Variants in RBFOX1 observed in about 807,000 individuals in gnomAD.
RBFOX1 encodes the protein RNA binding fox-1 homolog 1.
RBFOX1 carries 8 observed loss-of-function variants against 57.7 expected under a neutral mutation model. That is an observed-to-expected ratio of 0.14 (90% confidence interval 0.08 to 0.25). RBFOX1 has a LOEUF of 0.25. RBFOX1 is among the 10% of genes least tolerant of loss of function. The pLI, the probability that RBFOX1 is intolerant of heterozygous loss-of-function variation, is 1.00. For missense variants in RBFOX1, 611 were observed against 548.5 expected, an observed-to-expected ratio of 1.11 and a Z score of -1.14; for synonymous variants, 326 against 222.4, an observed-to-expected ratio of 1.47 and a Z score of -4.15.
chr16:6,908,882 C>G (rs147301304), intron 3 of RBFOX1, among the ~76,000 whole-genome samples: 170 of 152,210 alleles, frequency 1.1e-3, no homozygotes, highest in African/African-American at 3.8e-3. Flanking sequence ...TAATTTTGAA[C>G]AATGCTAGGC....
intron 1 of RBFOX1, chr16:5,270,335 AC>A: frequency 1.2e-6 from 1 of 820,442 alleles, no homozygotes; most frequent in Non-Finnish European, 2.1e-6. Flanking sequence ...GACCCGAGGA[AC>A]CCAAATTGCA....
chr16:7,244,622 A>T (rs2094214128), intron 4 of RBFOX1, among the ~76,000 whole-genome samples: 2 of 152,224 alleles, frequency 1.3e-5, no homozygotes, highest in African/African-American at 4.8e-5. Flanking sequence ...CTCGAGTTAG[A>T]TTCAGTATTC....
chr16:6,477,770 G>T (rs1159547074), intron 2 of RBFOX1, among the ~76,000 whole-genome samples: 1 of 152,128 alleles, frequency 6.6e-6, no homozygotes. Flanking sequence ...AGAGAAGACT[G>T]TTTTGTCTAC....
chr16:5,925,946 G>T (rs765868897), intron 4 of RBFOX1, among the ~76,000 whole-genome samples: 1 of 152,148 alleles, frequency 6.6e-6, no homozygotes, highest in African/African-American at 2.4e-5. Context: ...TAAACATGCA[G>T]TGGCCTTCCT....
intron 2 of RBFOX1, among the ~76,000 whole-genome samples, chr16:6,643,937 C>A (rs1314416457): frequency 2.0e-5 from 3 of 152,158 alleles, no homozygotes; most frequent in Non-Finnish European, 2.9e-5. Context: ...ACCAGCCTGG[C>A]CAACATGGGG....
chr16:6,674,975 G>T (rs1005633537), intron 3 of RBFOX1, among the ~76,000 whole-genome samples: 2 of 151,874 alleles, frequency 1.3e-5, no homozygotes, highest in Admixed American at 6.6e-5. Context: ...GCATGATCTT[G>T]GCTCACTGCA....
intron 2 of RBFOX1, among the ~76,000 whole-genome samples, chr16:6,591,763 A>T (rs2097714412): frequency 6.6e-6 from 1 of 152,214 alleles, no homozygotes; most frequent in African/African-American, 2.4e-5. Flanking sequence ...CAGAGTCTGC[A>T]TTTGTAAATG....
intron 11 of RBFOX1, among the ~76,000 whole-genome samples, chr16:7,635,442 G>T (rs1478246001): frequency 6.6e-6 from 1 of 152,060 alleles, no homozygotes; most frequent in African/African-American, 2.4e-5. Flanking sequence ...ACACACCATT[G>T]TAATAATGTG....
At chr16:6,329,138 A>C (rs928631405) in intron 2 of RBFOX1, among the ~76,000 whole-genome samples, 6 of 152,150 alleles carry the variant, frequency 3.9e-5, no homozygotes, top group Non-Finnish European at 8.8e-5. Flanking sequence ...CATGGATGGA[A>C]GTTATTTCAA....
chr16:6,249,539 CA>C (rs1053068727), intron 1 of RBFOX1, among the ~76,000 whole-genome samples: 1 of 151,660 alleles, frequency 6.6e-6, no homozygotes, highest in Non-Finnish European at 1.5e-5. Context: ...AACAAACAAA[CA>C]AAAAAACAAA....
chr16:6,227,860 G>T (rs1209507540), intron 1 of RBFOX1, among the ~76,000 whole-genome samples: 1 of 152,144 alleles, frequency 6.6e-6, no homozygotes, highest in Non-Finnish European at 1.5e-5. Flanking sequence ...TTTAACAAAA[G>T]GAGAGGTAAA....
chr16:6,974,653 A>T (rs72776225), intron 3 of RBFOX1, among the ~76,000 whole-genome samples: 1 of 151,780 alleles, frequency 6.6e-6, no homozygotes, highest in African/African-American at 2.4e-5. Context: ...CCCATAAATC[A>T]TATTCTTTAT....
At chr16:6,125,848 C>T (rs2096585766) in intron 1 of RBFOX1, among the ~76,000 whole-genome samples, 1 of 152,120 alleles carries the variant, frequency 6.6e-6, no homozygotes, top group African/African-American at 2.4e-5. Flanking sequence ...TACAAACCTT[C>T]CTACTGATAC....
At chr16:7,466,212 T>C (rs888260077) in intron 4 of RBFOX1, among the ~76,000 whole-genome samples, 1 of 152,168 alleles carries the variant, frequency 6.6e-6, no homozygotes, top group Admixed American at 6.6e-5. Flanking sequence ...TAAAAGGAGA[T>C]TTATAGAACA....
intron 1 of RBFOX1, among the ~76,000 whole-genome samples, chr16:6,147,766 G>A (rs953535424): frequency 6.6e-6 from 1 of 152,184 alleles, no homozygotes; most frequent in Non-Finnish European, 1.5e-5. Flanking sequence ...TGTAATTGGT[G>A]TCACCATCCA....
chr16:6,674,494 G>C lies in RBFOX1; in HGVS notation c.-16+19844G>C, dbSNP rs542877409. Among the ~76,000 whole-genome samples, 192 of 152,074 alleles carry C rather than the reference G, an allele frequency of 1.3e-3. 1 individual carries two copies. The highest frequency in any genetic ancestry group is 4.6e-3 in the African/African-American group (189 of 41,516). ...CTGTCACCATGCCCGGCTAATTTTT[G>C]TATTTTTAGTAGAGACGGGGTTTCG... is the stretch of plus-strand genomic sequence containing the variant. On this transcript the variant is annotated intron_variant, in intron 3 of 15. Transcript: ENST00000550418.
In RBFOX1 at chr16:7,118,658, C is replaced by T. The variant is rs1271046652; in HGVS notation, c.27+66560C>T. Among the ~76,000 whole-genome samples, 3 of 152,176 alleles carry T rather than the reference C, an allele frequency of 2.0e-5. No homozygotes were observed. The East Asian group carries it at 5.8e-4, about 29-fold the overall frequency. On this transcript the variant is annotated intron_variant, in intron 4 of 15. Transcript: ENST00000550418. ...TCTGTCATATTCCATTGGTTAGAAA[C>T]AAGTTGTGGGTCCTGCTCACATTCA...
intron 1 of RBFOX1, among the ~76,000 whole-genome samples, chr16:5,282,333 A>G (rs1426129360): frequency 2.0e-5 from 3 of 152,188 alleles, no homozygotes; most frequent in Non-Finnish European, 2.9e-5. Context: ...GTGAAAATGG[A>G]CTAATACAGT....
intron 12 of RBFOX1, among the ~76,000 whole-genome samples, chr16:7,663,879 G>A (rs372758592): frequency 9.2e-5 from 14 of 152,222 alleles, no homozygotes; most frequent in South Asian, 2.1e-4. Flanking sequence ...AGTTTCTCAC[G>A]ACCACGTAGC....
Sources: allele counts gnomAD v4.1 joint callset (sites outside exome capture counted in the v4.1 genomes callset), GRCh38; gene constraint gnomAD v4.1.1; transcripts MANE v1.5; gene names NCBI Gene and HGNC (gene_info 2026-07-23, HGNC 2026-07-21).